The following MTSS1 variants were observed in gnomAD, a reference collection of about 807,000 sequenced individuals.
The protein encoded by MTSS1 is protein MTSS 1.
Under a neutral mutation model 79.0 loss-of-function variants are expected in MTSS1, and 18 were observed. That is an observed-to-expected ratio of 0.23 (90% CI 0.16 to 0.34). The LOEUF (loss-of-function observed/expected upper bound fraction) is 0.34. Ranked by LOEUF, MTSS1 falls within the 10% of genes least tolerant of loss-of-function variation. The pLI is 1.00. For missense variants in MTSS1, 815 were observed against 986.2 expected (o/e 0.83, Z 2.33); for synonymous variants, 341 against 368.6 (o/e 0.93, Z 0.86).
chr8:124,698,580 G>A (rs1829239508), intron 3 of MTSS1, among the ~76,000 whole-genome samples: 1 of 147,460 alleles, frequency 6.8e-6, no homozygotes, highest in Non-Finnish European at 1.5e-5. Flanking sequence ...GGCGCGATCT[G>A]GGCTCACTGC....
intron 3 of MTSS1, among the ~76,000 whole-genome samples, chr8:124,664,736 T>G (rs1822739681): frequency 6.6e-6 from 1 of 152,194 alleles, no homozygotes; most frequent in African/African-American, 2.4e-5. Flanking sequence ...CATAGTTGCT[T>G]CAGCCTCCAG....
chr8:124,567,259 T>A, intron 7 of MTSS1, 81 bp from the exon 8 acceptor site: 1 of 1,198,398 alleles, frequency 8.3e-7, no homozygotes, highest in Non-Finnish European at 1.2e-6. Context: ...TTCATTAGGG[T>A]CTCTGTATAA....
At chr8:124,557,372 C>G (rs990208669) in intron 11 of MTSS1, among the ~76,000 whole-genome samples, 1 of 152,216 alleles carries the variant, frequency 6.6e-6, no homozygotes, top group African/African-American at 2.4e-5. Context: ...TGATGCAAAA[C>G]TGGGCCTTTG....
At chr8:124,595,941 C>A (rs76721471) in intron 3 of MTSS1, among the ~76,000 whole-genome samples, 2,880 of 152,240 alleles carry the variant, frequency 0.019, 98 homozygotes, top group African/African-American at 0.066. Flanking sequence ...GCTGGGGAGG[C>A]CTCTGGGGAA....
chr8:124,643,316 A>G (rs1818400351), intron 3 of MTSS1, among the ~76,000 whole-genome samples: 1 of 152,160 alleles, frequency 6.6e-6, no homozygotes, highest in Non-Finnish European at 1.5e-5. Flanking sequence ...GATAACCAAC[A>G]GTGGGGGAAA....
intron 3 of MTSS1, among the ~76,000 whole-genome samples, chr8:124,621,638 G>A (rs886832266): frequency 1.3e-5 from 2 of 152,208 alleles, no homozygotes; most frequent in East Asian, 1.9e-4. Flanking sequence ...TCCACCTCCC[G>A]GGTTCAAGTG....
At chr8:124,679,235 C>A (rs190859207) in intron 3 of MTSS1, among the ~76,000 whole-genome samples, 2 of 152,334 alleles carry the variant, frequency 1.3e-5, no homozygotes, top group African/African-American at 4.8e-5. Flanking sequence ...TTTATTTAAT[C>A]CTTGCAACTG....
intron 3 of MTSS1, among the ~76,000 whole-genome samples, chr8:124,647,933 G>A (rs1465918543): frequency 6.6e-6 from 1 of 152,214 alleles, no homozygotes; most frequent in Non-Finnish European, 1.5e-5. Flanking sequence ...GTCATGTCCT[G>A]AGAGAACTCA....
rs55869660 is a variant in MTSS1, at chr8:124,622,060, AAGAGAGAGAGAGAGAG to A, written c.209-30841_209-30826del. The stretch of plus-strand genomic sequence containing the variant: ...GGAAAGTGTGAGAGACAGAAAGAGA[AAGAGAGAGAGAGAGAG>A]AGAGAGAGAGAGAGAGAGAGAATAT... On this transcript the variant is annotated intron_variant, in intron 3 of 13. Transcript: ENST00000518547. Among the ~76,000 whole-genome samples the A allele has an allele frequency of 4.5e-4, 50 of 110,118 alleles. No homozygotes were observed. The South Asian group carries it at 8.6e-3, about 19-fold the overall frequency. 72.2% of individuals were successfully genotyped at this position (110,118 alleles called of 152,430 possible). A position where few individuals can be genotyped will look rare whatever the true frequency, so the allele number is the denominator to read the frequency against.
chr8:124,728,374 A>C lies in MTSS1; in HGVS notation c.-419T>G. 1 of 152,372 alleles carries C rather than the reference A, an allele frequency of 6.6e-6. No individual in the cohort carries two copies. The highest frequency in any genetic ancestry group is 1.5e-5 in the Non-Finnish European group (1 of 68,318). 9.4% of individuals were successfully genotyped at this position (152,372 alleles called of 1,614,324 possible). On this transcript the variant is annotated 5_prime_UTR_variant, in exon 1 of 14. Coordinates refer to ENST00000518547, the MANE Select transcript of MTSS1 (RefSeq NM_014751.6). The surrounding 1 kb of genome is among the most constrained non-coding windows in gnomAD (Gnocchi z 6.1). ...TCTGCAATTAAAAAAAAATCGCCCA[A>C]CAGCAGAGCGGGTCAGCTCGCGGCG...
intron 3 of MTSS1, among the ~76,000 whole-genome samples, chr8:124,670,386 C>A (rs1453768036): frequency 9.0e-6 from 1 of 110,704 alleles, no homozygotes; most frequent in East Asian, 3.4e-4. Context: ...GCACCCCACA[C>A]AGCCTGGCGG....
At position 124,626,872 on chromosome 8, in the gene MTSS1, C is replaced by T. The variant is rs116279249; in HGVS notation, c.209-35637G>A. 6.8e-3 allele frequency among the ~76,000 whole-genome samples: 1,034 copies of T among 152,238 alleles called. 12 individuals are homozygous for T. The highest frequency in any genetic ancestry group is 0.023 in the African/African-American group (969 of 41,540). On this transcript the variant is annotated intron_variant, in intron 3 of 13. Coordinates refer to ENST00000518547, the MANE Select transcript of MTSS1 (RefSeq NM_014751.6). ...ATCTCCATGGTGACGGTCACAGAGC[C>T]TGATATACGCTGCCCCAACACTAGG...
At chr8:124,706,262 G>A (rs1379701919) in intron 1 of MTSS1, among the ~76,000 whole-genome samples, 1 of 152,092 alleles carries the variant, frequency 6.6e-6, no homozygotes, top group African/African-American at 2.4e-5. Flanking sequence ...GTTACTTCTG[G>A]GAGTTAAAAT....
At chr8:124,638,767 G>A (rs762324735) in intron 3 of MTSS1, among the ~76,000 whole-genome samples, 1 of 152,200 alleles carries the variant, frequency 6.6e-6, no homozygotes, top group Non-Finnish European at 1.5e-5. Flanking sequence ...CAGGATGCAG[G>A]AGGGTAACAA....
intron 3 of MTSS1, among the ~76,000 whole-genome samples, chr8:124,593,420 C>T (rs193018398): frequency 2.6e-4 from 39 of 152,236 alleles, no homozygotes; most frequent in African/African-American, 8.9e-4. Context: ...ATTTAACCTG[C>T]GGAAATGATT....
chr8:124,567,710 T>G, intron 7 of MTSS1: 1 of 1,501,604 alleles, frequency 6.7e-7, no homozygotes, highest in Non-Finnish European at 8.9e-7. Flanking sequence ...CCATGTGCTT[T>G]ATCGAAGTGC....
At chr8:124,591,803 T>C (rs140541888) in intron 3 of MTSS1, among the ~76,000 whole-genome samples, 3,188 of 152,148 alleles carry the variant, frequency 0.021, 118 homozygotes, top group African/African-American at 0.073. Flanking sequence ...TTTTTTGAGA[T>C]GGAATCTTGC....
chr8:124,692,147 A>G (rs1246108943), intron 3 of MTSS1, among the ~76,000 whole-genome samples: 1 of 151,012 alleles, frequency 6.6e-6, no homozygotes, highest in East Asian at 2.0e-4. Flanking sequence ...GTCATGCCTC[A>G]GCCTCCCGAG....
intron 10 of MTSS1, chr8:124,558,667 G>A (rs1394590772): frequency 6.7e-7 from 1 of 1,491,584 alleles, no homozygotes; most frequent in Non-Finnish European, 8.9e-7. Context: ...GCAGGCAGGG[G>A]GACCAGGGAG....
Sources: gnomAD v4.1 joint callset for allele counts (sites outside exome capture counted in the v4.1 genomes callset) on GRCh38, gnomAD v4.1.1 for gene constraint, Gnocchi (gnomAD v3.1) non-coding constraint, MANE v1.5 for transcripts, NCBI Gene and HGNC (gene_info 2026-07-23, HGNC 2026-07-21) for gene names.